RHNO1: variants seen among roughly 807,000 people sequenced by gnomAD.
The protein encoded by RHNO1 is RAD9-HUS1-RAD1 interacting nuclear orphan 1.
RHNO1 carries 9 observed loss-of-function variants against 7.2 expected under a neutral mutation model. The observed-to-expected ratio is 1.25, with a 90% CI of 0.75 to 2.18. The LOEUF is 2.18. RHNO1 is among the 30% of genes most tolerant of loss of function. The pLI is 0.00. For synonymous variants in RHNO1, 95 were observed against 107.5 expected (o/e 0.88, Z 0.72); for missense variants, 292 against 284.5 (o/e 1.03, Z -0.19).
In RHNO1 at chr12:2,888,254, C is replaced by T. The variant is rs374449466; in HGVS notation, c.512C>T (p.Pro171Leu). The T allele has an allele frequency of 1.9e-5, 31 of 1,613,976 alleles. No homozygotes were observed. Among genetic ancestry groups the T allele is most frequent in the Non-Finnish European group, 2.4e-5 (28 of 1,180,036 alleles). Reference protein sequence around the residue: ...ESSSVKEELIPQDQKENSLLS... With the variant: ...ESSSVKEELILQDQKENSLLS... ...TCGTCTGTGAAGGAAGAACTCATTC[C>T]CCAAGATCAGAAGGAAAACAGCCTT... The change falls in exon 3 of 3, where the codon CCC becomes CTC. Residue 171 changes from proline (P) to leucine (L), a missense_variant. Pro to Leu is a moderately conservative substitution (Grantham distance 98). Coordinates refer to ENST00000489288, the MANE Select transcript of RHNO1 (RefSeq NM_001252499.3).
At chr12:2,883,503 A>G (rs1374453650) in intron 1 of RHNO1, among the ~76,000 whole-genome samples, 2 of 34,818 alleles carry the variant, frequency 5.7e-5, no homozygotes, top group South Asian at 2.3e-3. Context: ...ATATATATAT[A>G]TATATATATT....
intron 1 of RHNO1, among the ~76,000 whole-genome samples, chr12:2,883,353 G>A (rs900742252): frequency 1.3e-5 from 2 of 150,130 alleles, no homozygotes; most frequent in Admixed American, 1.3e-4. Flanking sequence ...TCTAGCCTAG[G>A]CAACAGATGA....
At chr12:2,887,015 C>G (rs1405492953) in intron 2 of RHNO1, 1 of 455,798 alleles carries the variant, frequency 2.2e-6, no homozygotes, top group South Asian at 1.5e-5. Context: ...AACAAGACCA[C>G]TGGTCCCTAC....
At position 2,885,811 on chromosome 12, in the gene RHNO1, G is replaced by C. The variant is rs12825146; in HGVS notation, c.168+277G>C. 35 of 233,360 alleles carry C rather than the reference G, an allele frequency of 1.5e-4. 2 individuals carry two copies. In the Middle Eastern group the frequency reaches 4.2e-3, roughly 28 times the overall value. 14.5% of individuals were successfully genotyped at this position (233,360 alleles called of 1,614,324 possible). On this transcript the variant is annotated intron_variant, in intron 2 of 2. Coordinates refer to ENST00000489288, the MANE Select transcript of RHNO1 (RefSeq NM_001252499.3). Reference sequence around the variant, plus strand: ...AGGATGGTCTCTATCTCCTGACCTCGTGATCCGCCCGCCTCGGCCTCCCAA... The same window carrying C: ...AGGATGGTCTCTATCTCCTGACCTCCTGATCCGCCCGCCTCGGCCTCCCAA...
rs1487412496 is a variant in RHNO1 at position 2,888,411 on chromosome 12, CAG to C, written c.670_671del (p.Arg224GlyfsTer32). ...GACGACAGCACCTGCTTGCTTACCT[CAG>C]GGAGAGAGGGAAGCTGAGCAGAAGC... ...RRRQHLLAYL[R>X]ERGKLSRSQF... is the part of the protein sequence containing the mutation. On this transcript the variant is annotated frameshift_variant, in exon 3 of 3. Transcript: ENST00000489288. LOFTEE classifies it high-confidence loss of function. The C allele has an allele frequency of 5.0e-6, 8 of 1,608,470 alleles. No homozygotes were observed. The highest frequency in any genetic ancestry group is 1.3e-5 in the African/African-American group (1 of 74,540).
Position 2,888,836 on chromosome 12 carries a change from A to G in RHNO1, c.*377A>G, listed in dbSNP as rs969443371. On this transcript the variant is annotated 3_prime_UTR_variant, in exon 3 of 3. Coordinates refer to ENST00000489288, the MANE Select transcript of RHNO1 (RefSeq NM_001252499.3). ...TTTGTTTTCTAAGATACTTTGTGTCATGAACAGTTCAGTTTAGTGTCATGA... is the reference window on the plus strand; with the variant it reads ...TTTGTTTTCTAAGATACTTTGTGTCGTGAACAGTTCAGTTTAGTGTCATGA... 7 of 175,630 alleles carry G rather than the reference A, an allele frequency of 4.0e-5. No individual in the cohort carries two copies. Among genetic ancestry groups the G allele is most frequent in the Non-Finnish European group, 8.5e-5 (7 of 82,344 alleles). The allele number at this position is 175,630 out of a possible 1,614,324, so 10.9% of individuals were successfully genotyped here. A position where few individuals can be genotyped will look rare whatever the true frequency, so the allele number is the denominator to read the frequency against.
chr12:2,888,215 A>C lies in RHNO1; in HGVS notation c.473A>C (p.Gln158Pro). Residue 158 changes from glutamine (Q) to proline (P), a missense_variant, in exon 3 of 3, where the codon CAG (glutamine) becomes CCG (proline). Gln to Pro is a moderately conservative substitution (Grantham distance 76). Coordinates refer to ENST00000489288, the MANE Select transcript of RHNO1 (RefSeq NM_001252499.3). ...TATGTGTTCATTCCACCTGATATCC[A>C]GACCCCAGAGTCATCGTCTGTGAAG... is the stretch of plus-strand genomic sequence containing the variant. Reference protein sequence around the residue: ...LPYVFIPPDIQTPESSSVKEE... With the variant: ...LPYVFIPPDIPTPESSSVKEE... 1 of 1,614,106 alleles carries C rather than the reference A, an allele frequency of 6.2e-7. No individual in the cohort carries two copies. Among genetic ancestry groups the C allele is most frequent in the Non-Finnish European group, 8.5e-7 (1 of 1,179,996 alleles).
intron 2 of RHNO1, among the ~76,000 whole-genome samples, chr12:2,886,687 T>C (rs981235066): frequency 1.4e-5 from 2 of 147,278 alleles, no homozygotes; most frequent in Admixed American, 1.4e-4. Flanking sequence ...ATAGAAACCC[T>C]GGGAAGAGAA....
intron 2 of RHNO1, among the ~76,000 whole-genome samples, chr12:2,886,598 G>C (rs574364474): frequency 6.8e-6 from 1 of 147,246 alleles, no homozygotes; most frequent in African/African-American, 2.5e-5. Context: ...CAAGGCTGTA[G>C]TGAGCCAAGA....
chr12:2,889,037 A>G lies in RHNO1; in HGVS notation c.*578A>G, dbSNP rs1273273957. The G allele has an allele frequency of 6.6e-6, 1 of 152,242 alleles. No homozygotes were observed. The highest frequency in any genetic ancestry group is 2.4e-5 in the African/African-American group (1 of 41,458). The allele number at this position is 152,242 out of a possible 1,614,324, so 9.4% of individuals were successfully genotyped here. On this transcript the variant is annotated 3_prime_UTR_variant, in exon 3 of 3. Transcript: ENST00000489288. ...ACTAATGGTCTTTGTTTCCTTAACCACTACTCATTAATCCTTAATCACCTC... is the reference window on the plus strand; with the variant it reads ...ACTAATGGTCTTTGTTTCCTTAACCGCTACTCATTAATCCTTAATCACCTC...
chr12:2,879,487 C>T (rs1023692713), intron 1 of RHNO1, among the ~76,000 whole-genome samples: 2 of 151,896 alleles, frequency 1.3e-5, no homozygotes, highest in East Asian at 1.9e-4. Flanking sequence ...TGCACGCAGC[C>T]GTGCCCACCT....
chr12:2,881,434 A>G (rs2098157483), intron 1 of RHNO1, among the ~76,000 whole-genome samples: 1 of 151,974 alleles, frequency 6.6e-6, no homozygotes, highest in African/African-American at 2.4e-5. Flanking sequence ...TCCGACTAGA[A>G]TGTAAGCACC....
Position 2,885,442 on chromosome 12 carries a change from C to T in RHNO1, c.76C>T (p.Pro26Ser). The T allele has an allele frequency of 6.2e-7, 1 of 1,613,848 alleles. No homozygotes were observed. Among genetic ancestry groups the T allele is most frequent in the Non-Finnish European group, 8.5e-7 (1 of 1,179,946 alleles). The part of the protein sequence containing the change: ...LLFHQQPLEG[P>S]KHSCASTQLP... ...GTTCCACCAACAACCACTGGAGGGC[C>T]CCAAACACAGCTGTGCATCTACACA... Residue 26 changes from proline to serine, a missense_variant, in exon 2 of 3, where the codon CCC becomes TCC. Transcript: ENST00000489288.
At chr12:2,883,511 ATTTTTTTTTT>A (rs869192550) in intron 1 of RHNO1, among the ~76,000 whole-genome samples, 15 of 26,842 alleles carry the variant, frequency 5.6e-4, no homozygotes, top group Non-Finnish European at 7.6e-4. Flanking sequence ...ATATATATAT[ATTTTTTTTTT>A]TTTTTTTTTT....
rs766536092 is a variant in RHNO1, at chr12:2,888,115, A to G, written c.373A>G (p.Arg125Gly). The G allele has an allele frequency of 4.3e-6, 7 of 1,614,004 alleles. No homozygotes were observed. The highest frequency in any genetic ancestry group is 5.9e-6 in the Non-Finnish European group (7 of 1,179,930). ...CPSESEKDVS[R>G]RPLVPVLSPQ... ...CAGTGAATCAGAAAAGGATGTTTCCAGAAGACCCTTAGTTCCAGTGCTCAG... is the reference window on the plus strand; with the variant it reads ...CAGTGAATCAGAAAAGGATGTTTCCGGAAGACCCTTAGTTCCAGTGCTCAG... Residue 125 changes from arginine (R) to glycine (G), a missense_variant, in exon 3 of 3, where the codon AGA (arginine) becomes GGA (glycine). Arg to Gly is a moderately radical substitution (Grantham distance 125). Coordinates refer to ENST00000489288, the MANE Select transcript of RHNO1 (RefSeq NM_001252499.3).
At chr12:2,884,460 A>C (rs1202970519) in intron 1 of RHNO1, among the ~76,000 whole-genome samples, 2 of 152,136 alleles carry the variant, frequency 1.3e-5, no homozygotes, top group African/African-American at 4.8e-5. Context: ...CTCCTGGCCT[A>C]AAGTGATCAG....
intron 1 of RHNO1, chr12:2,885,070 C>T: frequency 3.2e-6 from 1 of 311,536 alleles, no homozygotes; most frequent in Non-Finnish European, 5.8e-6. Context: ...CTTTAAATTC[C>T]CAGCACCCAG....
chr12:2,888,365 G>A lies in RHNO1; in HGVS notation c.623G>A (p.Gly208Glu). 1 of 1,614,172 alleles carries A rather than the reference G, an allele frequency of 6.2e-7. No individual in the cohort carries two copies. The highest frequency in any genetic ancestry group is 8.5e-7 in the Non-Finnish European group (1 of 1,180,032). ...LVKDTPEDKYGIKVTWRRRQH... is the reference protein window; with the variant it reads ...LVKDTPEDKYEIKVTWRRRQH... ...AAAGACACCCCCGAGGACAAGTATG[G>A]AATAAAGGTCACATGGAGGAGACGA... The change falls in exon 3 of 3, where the codon GGA becomes GAA. Residue 208 changes from glycine (G) to glutamate (E), a missense_variant. By Grantham distance (98) the Gly-to-Glu change is moderately conservative (BLOSUM62 -2). Coordinates refer to ENST00000489288, the MANE Select transcript of RHNO1 (RefSeq NM_001252499.3).
chr12:2,879,473 C>T lies in RHNO1; in HGVS notation c.-85+2191C>T, dbSNP rs528870437. Among the ~76,000 whole-genome samples the T allele has an allele frequency of 1.2e-4, 19 of 152,050 alleles. No individual in the cohort carries two copies. In the South Asian group the frequency reaches 1.4e-3, roughly 12 times the overall value. The stretch of plus-strand genomic sequence containing the variant: ...TCAGCCTCCTGAGTAGCTGGGACTA[C>T]AGGTGCACGCAGCCGTGCCCACCTG... On this transcript the variant is annotated intron_variant, in intron 1 of 2. Coordinates refer to ENST00000489288, the MANE Select transcript of RHNO1 (RefSeq NM_001252499.3).
Sources: gnomAD v4.1 joint callset for allele counts (sites outside exome capture counted in the v4.1 genomes callset) on GRCh38, gnomAD v4.1.1 for gene constraint, MANE v1.5 for transcripts, NCBI Gene and HGNC (gene_info 2026-07-23, HGNC 2026-07-21) for gene names.